PXYLP1: variants seen among roughly 807,000 people sequenced by gnomAD.
The protein encoded by PXYLP1 is 2-phosphoxylose phosphatase 1.
Under a neutral mutation model 37.9 loss-of-function variants are expected in PXYLP1, and 17 were observed. The observed-to-expected ratio is 0.45, with a 90% CI of 0.31 to 0.67. The LOEUF is 0.67. PXYLP1 is among the 30% of genes least tolerant of loss of function. PXYLP1 has a pLI of 0.07. For synonymous variants in PXYLP1, 221 were observed against 232.2 expected, an observed-to-expected ratio of 0.95 and a Z score of 0.44; for missense variants, 511 against 612.0, an observed-to-expected ratio of 0.84 and a Z score of 1.74.
chr3:141,293,260 G>A lies in PXYLP1; in HGVS notation c.*55G>A, dbSNP rs1942276128. 1.3e-6 allele frequency: 2 copies of A among 1,501,592 alleles called. No individual in the cohort carries two copies. Among genetic ancestry groups the A allele is most frequent in the African/African-American group, 1.4e-5 (1 of 71,888 alleles). The allele number at this position is 1,501,592 out of a possible 1,614,324, so 93.0% of individuals were successfully genotyped here. A position where few individuals can be genotyped will look rare whatever the true frequency, so the allele number is the denominator to read the frequency against. On this transcript the variant is annotated 3_prime_UTR_variant, in exon 6 of 6. Coordinates refer to ENST00000286353, the MANE Select transcript of PXYLP1 (RefSeq NM_001037172.3). ...ATGCCAATACAGAGCATAGGGAAAGGTCCACTTCTAGTTTTGTCTGTTACT... is the reference window on the plus strand; with the variant it reads ...ATGCCAATACAGAGCATAGGGAAAGATCCACTTCTAGTTTTGTCTGTTACT...
chr3:141,249,729 T>C (rs1247498700), intron 1 of PXYLP1, among the ~76,000 whole-genome samples: 1 of 152,206 alleles, frequency 6.6e-6, no homozygotes, highest in Non-Finnish European at 1.5e-5. Flanking sequence ...TTATAGCTTC[T>C]CGACATTCTA....
At chr3:141,236,416 ACT>A (rs1161342370) in intron 1 of PXYLP1, 1 of 151,622 alleles carries the variant, frequency 6.6e-6, no homozygotes, top group South Asian at 2.1e-4. Context: ...TGATGCCCCC[ACT>A]CTCTCCCCTT....
At position 141,273,275 on chromosome 3, in the gene PXYLP1, G is replaced by A. The variant is rs566314916; in HGVS notation, c.80-5067G>A. On this transcript the variant is annotated intron_variant, in intron 2 of 5. Coordinates refer to ENST00000286353, the MANE Select transcript of PXYLP1 (RefSeq NM_001037172.3). Reference sequence around the variant, plus strand: ...CCAGATGGACAAATGCATAAATACCGAGCTTAGTGGGTGAGCAGGTCCGGG... The same window carrying A: ...CCAGATGGACAAATGCATAAATACCAAGCTTAGTGGGTGAGCAGGTCCGGG... 3.8e-4 allele frequency: 371 copies of A among 985,422 alleles called. 2 individuals are homozygous for A. In the African/African-American group the frequency reaches 5.5e-3, roughly 15 times the overall value. The allele number at this position is 985,422 out of a possible 1,614,324, so 61.0% of individuals were successfully genotyped here. A position where few individuals can be genotyped will look rare whatever the true frequency, so the allele number is the denominator to read the frequency against.
Position 141,292,643 on chromosome 3 carries a change from C to T in PXYLP1, c.881C>T (p.Pro294Leu), listed in dbSNP as rs1559899608. The change falls in exon 6 of 6, where the codon CCC becomes CTC. Residue 294 changes from proline (P) to leucine (L), a missense_variant. By Grantham distance (98) the Pro-to-Leu change is moderately conservative. Coordinates refer to ENST00000286353, the MANE Select transcript of PXYLP1 (RefSeq NM_001037172.3). This position sits in a 1 kb window ranked among gnomAD's most constrained non-coding sequence, Gnocchi z 4.3. ...ACCAAGCAGCTTAGAGCTGCCAACC[C>T]CATAGACTCCATGCTCTGCCACTTC... ...VPTKQLRAAN[P>L]IDSMLCHFCH... 28 of 1,613,534 alleles carry T rather than the reference C, an allele frequency of 1.7e-5. No individual in the cohort carries two copies. The highest frequency in any genetic ancestry group is 2.4e-5 in the Non-Finnish European group (28 of 1,179,714).
At chr3:141,259,549 C>T (rs1413043776) in intron 1 of PXYLP1, among the ~76,000 whole-genome samples, 1 of 152,100 alleles carries the variant, frequency 6.6e-6, no homozygotes, top group African/African-American at 2.4e-5. Context: ...CTTAGTGGTC[C>T]AGGATGAAGG....
intron 4 of PXYLP1, among the ~76,000 whole-genome samples, chr3:141,283,692 T>C (rs1389327584): frequency 1.3e-5 from 2 of 152,078 alleles, no homozygotes; most frequent in African/African-American, 4.8e-5. Context: ...AAATCTAATG[T>C]GATTCCAGTT....
intron 2 of PXYLP1, among the ~76,000 whole-genome samples, chr3:141,270,044 A>G (rs1487273039): frequency 6.6e-6 from 1 of 152,242 alleles, no homozygotes; most frequent in African/African-American, 2.4e-5. Flanking sequence ...AGAGCGTGCA[A>G]ATAGCCCAGG....
chr3:141,277,737 T>C (rs1296253461), intron 2 of PXYLP1, among the ~76,000 whole-genome samples: 1 of 152,094 alleles, frequency 6.6e-6, no homozygotes, highest in African/African-American at 2.4e-5. Flanking sequence ...AGCACACAGA[T>C]TGCAAGACCC....
intron 1 of PXYLP1, among the ~76,000 whole-genome samples, chr3:141,256,173 G>A (rs541487719): frequency 2.2e-4 from 34 of 152,288 alleles, no homozygotes; most frequent in African/African-American, 7.2e-4. Flanking sequence ...TGATTCTTCC[G>A]GAGTGTGGAA....
rs185762244 is a variant in PXYLP1, at chr3:141,278,484, C to T, written c.222C>T (p.Ala74=). Residue 74 remains alanine, a synonymous_variant, in exon 3 of 6, where the codon GCC becomes GCT. Transcript: ENST00000286353. ...TGTACTGCAACATCCCCAGCGTGGC[C>T]GAGCGCAGCATGGAAGGTAGGCCTG... ...ALLYCNIPSV[A]ERSMEGHAPH... The T allele has an allele frequency of 8.2e-5, 133 of 1,614,162 alleles. 1 individual carries two copies. The South Asian group carries it at 1.1e-3, about 13-fold the overall frequency.
At chr3:141,268,168 G>GGAGA (rs142785821) in intron 2 of PXYLP1, among the ~76,000 whole-genome samples, 669 of 129,584 alleles carry the variant, frequency 5.2e-3, no homozygotes, top group Non-Finnish European at 7.6e-3. Flanking sequence ...GGTGGGTGGG[G>GGAGA]GAGAGAGAGA....
At chr3:141,273,093 T>G in intron 2 of PXYLP1, 1 of 985,488 alleles carries the variant, frequency 1.0e-6, no homozygotes, top group African/African-American at 1.7e-5. Context: ...CTGAGAAGGC[T>G]ATTTTCTCCT....
At chr3:141,248,387 A>G in intron 1 of PXYLP1, among the ~76,000 whole-genome samples, 1 of 151,866 alleles carries the variant, frequency 6.6e-6, no homozygotes, top group South Asian at 2.1e-4. Context: ...GAGGCAGTTC[A>G]GATTTCCTCC....
chr3:141,261,241 G>A (rs1158822388), intron 2 of PXYLP1, among the ~76,000 whole-genome samples: 1 of 152,100 alleles, frequency 6.6e-6, no homozygotes, highest in Non-Finnish European at 1.5e-5. Context: ...CAACATCCGA[G>A]TTTAGGAGTT....
At chr3:141,273,119 T>C (rs1252560536) in intron 2 of PXYLP1, 4 of 985,350 alleles carry the variant, frequency 4.1e-6, no homozygotes, top group African/African-American at 1.7e-5. Context: ...TCCATGTGCT[T>C]TCTCCCCACC....
At chr3:141,259,707 C>T (rs1941346628) in intron 1 of PXYLP1, among the ~76,000 whole-genome samples, 1 of 152,206 alleles carries the variant, frequency 6.6e-6, no homozygotes, top group Non-Finnish European at 1.5e-5. Flanking sequence ...ATCATTTCAG[C>T]AGAATGTCCA....
chr3:141,282,190 C>T (rs549002954), intron 4 of PXYLP1, among the ~76,000 whole-genome samples: 2 of 152,240 alleles, frequency 1.3e-5, no homozygotes, highest in African/African-American at 2.4e-5. Flanking sequence ...TCACTCACTG[C>T]GCTTCAGCCA....
chr3:141,263,907 A>G (rs1941451131), intron 2 of PXYLP1, among the ~76,000 whole-genome samples: 1 of 152,268 alleles, frequency 6.6e-6, no homozygotes, highest in Admixed American at 6.5e-5. Context: ...GAGTTCCGTC[A>G]TAGTGCACCA....
At chr3:141,256,808 A>G (rs1314687954) in intron 1 of PXYLP1, among the ~76,000 whole-genome samples, 1 of 152,210 alleles carries the variant, frequency 6.6e-6, no homozygotes, top group Non-Finnish European at 1.5e-5. Flanking sequence ...ACAAGTAGAA[A>G]TAATGGAAAT....
Sources: allele counts gnomAD v4.1 joint callset (sites outside exome capture counted in the v4.1 genomes callset), GRCh38; gene constraint gnomAD v4.1.1; non-coding constraint Gnocchi (gnomAD v3.1); transcripts MANE v1.5; gene names NCBI Gene and HGNC (gene_info 2026-07-23, HGNC 2026-07-21).